Variants in GALNT15 observed in about 807,000 individuals in gnomAD.
The protein encoded by GALNT15 is UDP-GalNAc transferase T15.
A neutral mutation model predicts 66.8 loss-of-function variants in GALNT15; 67 were observed. The ratio of observed to expected loss-of-function variants is 1.00; its 90% CI spans 0.82 to 1.23. The LOEUF (loss-of-function observed/expected upper bound fraction) is 1.23. GALNT15 is among the 50% of genes most tolerant of loss of function. The pLI, the probability that GALNT15 is intolerant of heterozygous loss-of-function variation, is 0.00. For missense variants in GALNT15, 827 were observed against 804.3 expected (o/e 1.03, Z -0.34); for synonymous variants, 313 against 311.5 (o/e 1.00, Z -0.05).
At chr3:16,206,596 C>T (rs2063759677) in intron 3 of GALNT15, among the ~76,000 whole-genome samples, 1 of 145,762 alleles carries the variant, frequency 6.9e-6, no homozygotes, top group South Asian at 2.1e-4. Flanking sequence ...TGGCGTGAAC[C>T]TGGGAGGCGG....
At position 16,186,715 on chromosome 3, in the gene GALNT15, GA is replaced by G. The variant is rs1473086597; in HGVS notation, c.540-9043del. Among the ~76,000 whole-genome samples, 1 of 152,216 alleles carries G rather than the reference GA, an allele frequency of 6.6e-6. No individual in the cohort carries two copies. The highest frequency in any genetic ancestry group is 2.4e-5 in the African/African-American group (1 of 41,454). On this transcript the variant is annotated intron_variant, in intron 1 of 9. Transcript: ENST00000339732. This position sits in a 1 kb window ranked among gnomAD's most constrained non-coding sequence, Gnocchi z 5.1. The stretch of plus-strand genomic sequence containing the variant: ...CCACGTTATGTCATTTCATTCATAT[GA>G]AGTGTCCAAAGTAGGCAAGTCTGTA...
chr3:16,217,811 G>T (rs2063895523), intron 6 of GALNT15, among the ~76,000 whole-genome samples: 1 of 152,168 alleles, frequency 6.6e-6, no homozygotes, highest in Non-Finnish European at 1.5e-5. Context: ...TGTTTTGGTA[G>T]CAAAGTCCAA....
At position 16,228,395 on chromosome 3, in the gene GALNT15, C is replaced by T. The variant is rs2064045669; in HGVS notation, c.*895C>T. The stretch of plus-strand genomic sequence containing the variant: ...GTGGCTCATGCCTGTAATTCCAGCA[C>T]TTTGGGAGGCAGAGTTGGGAGGATC... On this transcript the variant is annotated 3_prime_UTR_variant, in exon 10 of 10. Transcript: ENST00000339732. 1 of 940,336 alleles carries T rather than the reference C, an allele frequency of 1.1e-6. No homozygotes were observed. The highest frequency in any genetic ancestry group is 1.8e-5 in the African/African-American group (1 of 56,300). 58.2% of individuals were successfully genotyped at this position (940,336 alleles called of 1,614,324 possible). A position where few individuals can be genotyped will look rare whatever the true frequency, so the allele number is the denominator to read the frequency against.
rs2124869011 is a variant in GALNT15 at position 16,200,325 on chromosome 3, C to T, written c.707-294C>T. 6.6e-6 allele frequency among the ~76,000 whole-genome samples: 1 copy of T among 152,174 alleles called. No homozygotes were observed. Among genetic ancestry groups the T allele is most frequent in the East Asian group, 1.9e-4 (1 of 5,178 alleles). On this transcript the variant is annotated intron_variant, in intron 2 of 9. Coordinates refer to ENST00000339732, the MANE Select transcript of GALNT15 (RefSeq NM_054110.5). The surrounding 1 kb of genome is among the most constrained non-coding windows in gnomAD (Gnocchi z 4.4). ...CAAAGAGCCAAACCATATCAGACAC[C>T]AACAGTATCTGCTACATTCTTGCTG... is the stretch of plus-strand genomic sequence containing the variant.
At chr3:16,235,853 C>T (rs543226368), downstream of GALNT15, among the ~76,000 whole-genome samples, 86 of 151,996 alleles carry the variant, frequency 5.7e-4, no homozygotes, top group African/African-American at 1.5e-3. Context: ...GCCTGTAATC[C>T]CAGCACTTTG....
At position 16,175,063 on chromosome 3, in the gene GALNT15, A is replaced by C; in HGVS notation, c.-89A>C. On this transcript the variant is annotated 5_prime_UTR_variant, in exon 1 of 10. Transcript: ENST00000339732. This position sits in a 1 kb window ranked among gnomAD's most constrained non-coding sequence, Gnocchi z 5.6. Reference sequence around the variant, plus strand: ...GAAAAACTTCCAGGTGGAACAAGCAACCCAGGTTCTGCTGCAAGCTTGAAG... The same window carrying C: ...GAAAAACTTCCAGGTGGAACAAGCACCCCAGGTTCTGCTGCAAGCTTGAAG... 5 of 1,326,330 alleles carry C rather than the reference A, an allele frequency of 3.8e-6. No homozygotes were observed. In the South Asian group the frequency reaches 5.5e-5, roughly 15 times the overall value. 82.2% of individuals were successfully genotyped at this position (1,326,330 alleles called of 1,614,324 possible).
At position 16,175,061 on chromosome 3, in the gene GALNT15, C is replaced by A; in HGVS notation, c.-91C>A. 7.7e-7 allele frequency: 1 copy of A among 1,300,838 alleles called. No homozygotes were observed. Among genetic ancestry groups the A allele is most frequent in the Non-Finnish European group, 1.1e-6 (1 of 938,974 alleles). 80.6% of individuals were successfully genotyped at this position (1,300,838 alleles called of 1,614,324 possible). A position where few individuals can be genotyped will look rare whatever the true frequency, so the allele number is the denominator to read the frequency against. ...CAGAAAAACTTCCAGGTGGAACAAG[C>A]AACCCAGGTTCTGCTGCAAGCTTGA... On this transcript the variant is annotated 5_prime_UTR_variant, in exon 1 of 10. Transcript: ENST00000339732. This position sits in a 1 kb window ranked among gnomAD's most constrained non-coding sequence, Gnocchi z 5.6.
chr3:16,217,848 A>C (rs2063895977), intron 6 of GALNT15, among the ~76,000 whole-genome samples: 1 of 152,236 alleles, frequency 6.6e-6, no homozygotes, highest in Non-Finnish European at 1.5e-5. Context: ...CGGAGGTCTC[A>C]AATAAACACA....
intron 2 of GALNT15, among the ~76,000 whole-genome samples, chr3:16,197,091 T>C (rs546819994): frequency 6.6e-6 from 1 of 152,164 alleles, no homozygotes; most frequent in Non-Finnish European, 1.5e-5. Context: ...GCGGGTAAAG[T>C]GCCCAGAGAC....
In GALNT15 at chr3:16,200,524, A is replaced by G; in HGVS notation, c.707-95A>G. The G allele has an allele frequency of 9.9e-7, 1 of 1,014,660 alleles. No homozygotes were observed. Among genetic ancestry groups the G allele is most frequent in the African/African-American group, 1.7e-5 (1 of 60,214 alleles). The allele number at this position is 1,014,660 out of a possible 1,614,324, so 62.9% of individuals were successfully genotyped here. On this transcript the variant is annotated intron_variant, in intron 2 of 9. Coordinates refer to ENST00000339732, the MANE Select transcript of GALNT15 (RefSeq NM_054110.5). This position sits in a 1 kb window ranked among gnomAD's most constrained non-coding sequence, Gnocchi z 4.4. ...TTCTTAGGACCCAGGTGCTCACCAC[A>G]GCTTCCAAAAGAGAGTTGCTGACGA...
At chr3:16,215,916 A>AACAAAAAAAAAAAAAAAAAAAAC (rs1553687148) in intron 6 of GALNT15, among the ~76,000 whole-genome samples, 2 of 143,528 alleles carry the variant, frequency 1.4e-5, no homozygotes, top group East Asian at 2.2e-4. Context: ...CAAAAAAAAA[A>AACAAAAAAAAAAAAAAAAAAAAC]AAAAAAAAAG....
intron 1 of GALNT15, among the ~76,000 whole-genome samples, chr3:16,190,891 C>T (rs940347528): frequency 5.3e-5 from 8 of 152,188 alleles, no homozygotes; most frequent in African/African-American, 1.9e-4. Flanking sequence ...TCTGCAGTTG[C>T]AGAACAAACC....
At chr3:16,242,588 T>C in the GALNT15 span, among the ~76,000 whole-genome samples, 1 of 151,148 alleles carries the variant, frequency 6.6e-6, no homozygotes, top group Non-Finnish European at 1.5e-5. This position sits in a 1 kb window ranked among gnomAD's most constrained non-coding sequence, Gnocchi z 5.6. Flanking sequence ...CAAAAACCAA[T>C]CTCTACCAAA....
rs2063795626 is a variant in GALNT15 at position 16,209,926 on chromosome 3, A to G, written c.1080-1198A>G. 6.6e-6 allele frequency among the ~76,000 whole-genome samples: 1 copy of G among 152,224 alleles called. No individual in the cohort carries two copies. Among genetic ancestry groups the G allele is most frequent in the South Asian group, 2.1e-4 (1 of 4,828 alleles). The stretch of plus-strand genomic sequence containing the variant: ...TTATCCCACTTACTGCTTACTGTGA[A>G]AATATGTGTGTTTCATCAAAGAAAT... On this transcript the variant is annotated intron_variant, in intron 4 of 9. Transcript: ENST00000339732. This position sits in a 1 kb window ranked among gnomAD's most constrained non-coding sequence, Gnocchi z 4.1.
At chr3:16,238,511 C>T in the GALNT15 span, among the ~76,000 whole-genome samples, 2 of 151,774 alleles carry the variant, frequency 1.3e-5, no homozygotes, top group African/African-American at 4.8e-5. This position sits in a 1 kb window ranked among gnomAD's most constrained non-coding sequence, Gnocchi z 4.8. Context: ...TTGTTGTACT[C>T]AAGTTATTTT....
Position 16,181,898 on chromosome 3 carries a change from C to A in GALNT15, c.539+6208C>A, listed in dbSNP as rs1338662299. On this transcript the variant is annotated intron_variant, in intron 1 of 9. Transcript: ENST00000339732. The surrounding 1 kb of genome is among the most constrained non-coding windows in gnomAD (Gnocchi z 5.9). ...GCCCTCGAGTCCACAGTGGCCGCAG[C>A]AGAGGCAGTACCTCCTCTGGACCTC... 6.6e-6 allele frequency among the ~76,000 whole-genome samples: 1 copy of A among 152,126 alleles called. No individual in the cohort carries two copies. Among genetic ancestry groups the A allele is most frequent in the Admixed American group, 6.5e-5 (1 of 15,274 alleles).
chr3:16,226,191 G>A (rs986804353), intron 9 of GALNT15, among the ~76,000 whole-genome samples: 9 of 152,170 alleles, frequency 5.9e-5, no homozygotes, highest in African/African-American at 2.2e-4. Flanking sequence ...CTGGGAGGAG[G>A]GAGGAATGGG....
chr3:16,225,307 G>A lies in GALNT15; in HGVS notation c.1774-2047G>A, dbSNP rs2063993968. On this transcript the variant is annotated intron_variant, in intron 9 of 9. Coordinates refer to ENST00000339732, the MANE Select transcript of GALNT15 (RefSeq NM_054110.5). The surrounding 1 kb of genome is among the most constrained non-coding windows in gnomAD (Gnocchi z 4.4). ...GAATTACAATTCAACATGAGATTTA[G>A]GGAGGACCAACATCCAAACTATATC... Among the ~76,000 whole-genome samples, 1 of 152,300 alleles carries A rather than the reference G, an allele frequency of 6.6e-6. No individual in the cohort carries two copies. Among genetic ancestry groups the A allele is most frequent in the Admixed American group, 6.5e-5 (1 of 15,304 alleles).
At chr3:16,246,515 G>A in the GALNT15 span, among the ~76,000 whole-genome samples, 45 of 151,812 alleles carry the variant, frequency 3.0e-4, 1 homozygote, top group African/African-American at 1.0e-3. Flanking sequence ...TAGTAGAGAC[G>A]GTTTCACCAT....
Sources: allele counts gnomAD v4.1 joint callset (sites outside exome capture counted in the v4.1 genomes callset), GRCh38; gene constraint gnomAD v4.1.1; non-coding constraint Gnocchi (gnomAD v3.1); transcripts MANE v1.5; gene names NCBI Gene and HGNC (gene_info 2026-07-23, HGNC 2026-07-21).